The following ESRRB variants were observed in gnomAD, a reference collection of about 807,000 sequenced individuals.
ESRRB encodes the protein estrogen related receptor beta, also known as steroid hormone receptor ERR2.
In ESRRB, 16 loss-of-function variants were observed where a neutral mutation model predicts 46.0. That is an observed-to-expected ratio of 0.35 (90% CI 0.24 to 0.53). ESRRB has a LOEUF of 0.53. ESRRB is among the 20% of genes least tolerant of loss of function. The pLI is 0.93. For missense variants in ESRRB, 488 were observed against 607.4 expected (o/e 0.80, Z 2.07); for synonymous variants, 246 against 259.6 (o/e 0.95, Z 0.50).
intron 1 of ESRRB, among the ~76,000 whole-genome samples, chr14:76,405,747 T>C (rs552149991): frequency 6.6e-6 from 1 of 151,280 alleles, no homozygotes; most frequent in Non-Finnish European, 1.5e-5. Context: ...AGCGAGACTC[T>C]GTCTCAAAAA....
upstream of ESRRB, among the ~76,000 whole-genome samples, chr14:76,372,979 A>G (rs577888020): frequency 1.9e-4 from 29 of 152,320 alleles, no homozygotes; most frequent in African/African-American, 7.0e-4. Context: ...AAATTTACAA[A>G]TTTCCTTTGT....
chr14:76,411,735 A>G lies in ESRRB; in HGVS notation c.51-27606A>G, dbSNP rs183554779. ...TTGGAGGGTGGAATAATACCATGGC[A>G]TGGTACCTGGTACATGGTAATCTCT... On this transcript the variant is annotated intron_variant, in intron 1 of 6. Coordinates refer to ENST00000644823, the MANE Select transcript of ESRRB (RefSeq NM_001379180.1). Among the ~76,000 whole-genome samples the G allele has an allele frequency of 8.3e-4, 126 of 152,302 alleles. 1 individual carries two copies. The highest frequency in any genetic ancestry group is 2.8e-3 in the African/African-American group (117 of 41,578).
At chr14:76,323,233 T>C (rs1883888733) in intron 1 of ESRRB, among the ~76,000 whole-genome samples, 1 of 152,146 alleles carries the variant, frequency 6.6e-6, no homozygotes, top group Admixed American at 6.5e-5. Context: ...TCACATTCTT[T>C]GGGGACATTT....
chr14:76,448,815 T>A (rs1337454471), intron 2 of ESRRB, among the ~76,000 whole-genome samples: 1 of 152,238 alleles, frequency 6.6e-6, no homozygotes, highest in African/African-American at 2.4e-5. Flanking sequence ...GGGATCTAGG[T>A]AAAATAGTCA....
intron 5 of ESRRB, among the ~76,000 whole-genome samples, chr14:76,485,233 ATTTTTTTTT>A (rs34504939): frequency 1.1e-5 from 1 of 91,858 alleles, no homozygotes; most frequent in Non-Finnish European, 2.1e-5. Context: ...CAAATGCCTG[ATTTTTTTTT>A]TTTTTTTTTT....
chr14:76,320,979 C>T (rs1329886776), intron 1 of ESRRB, among the ~76,000 whole-genome samples: 1 of 152,144 alleles, frequency 6.6e-6, no homozygotes, highest in Non-Finnish European at 1.5e-5. Flanking sequence ...AATAAAGAGG[C>T]CTCAGAGCAC....
rs1890627437 is a variant in ESRRB at position 76,500,632 on chromosome 14, A to G, written c.*2174A>G. 6.3e-7 allele frequency: 1 copy of G among 1,584,278 alleles called. No individual in the cohort carries two copies. ...ACCCTGCTCTGTCACTTCCTGCTCA[A>G]GCTGGAGGACCCAGGCGGCAGGGCA... On this transcript the variant is annotated 3_prime_UTR_variant, in exon 7 of 7. Coordinates refer to ENST00000644823, the MANE Select transcript of ESRRB (RefSeq NM_001379180.1).
chr14:76,468,425 A>C (rs1199048752), intron 3 of ESRRB, among the ~76,000 whole-genome samples: 2 of 90,804 alleles, frequency 2.2e-5, no homozygotes, highest in East Asian at 7.7e-4. Context: ...CCAAACACGC[A>C]CACACACACA....
At chr14:76,381,621 G>A (rs184419210) in intron 1 of ESRRB, among the ~76,000 whole-genome samples, 7 of 152,286 alleles carry the variant, frequency 4.6e-5, no homozygotes, top group East Asian at 3.9e-4. Context: ...CAGTTCTGTG[G>A]CTCTAAAGGG....
chr14:76,486,452 T>A (rs1440570444), intron 5 of ESRRB, among the ~76,000 whole-genome samples: 1 of 152,148 alleles, frequency 6.6e-6, no homozygotes, highest in African/African-American at 2.4e-5. Context: ...TGGCCCCAGA[T>A]CCTATAATTA....
chr14:76,468,905 A>G (rs952889156), intron 3 of ESRRB, among the ~76,000 whole-genome samples: 3 of 152,214 alleles, frequency 2.0e-5, no homozygotes, highest in Admixed American at 2.0e-4. Flanking sequence ...TTTTCATGAA[A>G]AAATAGAAAG....
intron 2 of ESRRB, among the ~76,000 whole-genome samples, chr14:76,461,636 G>A (rs1298669875): frequency 6.6e-6 from 1 of 152,138 alleles, no homozygotes; most frequent in African/African-American, 2.4e-5. Context: ...AGCCTCCCGA[G>A]TAGCTGGGAT....
rs921337514 is a variant in ESRRB at position 76,323,286 on chromosome 14, GTCTC to G, written c.2+12382_2+12385del. Reference sequence around the variant, plus strand: ...GCATTCTTAGAGTCCCCAGTTTTTGGTCTCTCTCTCTCTCTTTCTCTTTTTTTTT... The same window carrying G: ...GCATTCTTAGAGTCCCCAGTTTTTGGTCTCTCTCTCTTTCTCTTTTTTTTT... On this transcript the variant is annotated intron_variant, in intron 1 of 6. Coordinates refer to the ESRRB transcript ENST00000512784. 3.1e-4 allele frequency among the ~76,000 whole-genome samples: 47 copies of G among 149,556 alleles called. 1 individual carries two copies. The highest frequency in any genetic ancestry group is 1.0e-3 in the African/African-American group (42 of 40,784).
In ESRRB at chr14:76,482,815, G is replaced by A. The variant is rs778787494; in HGVS notation, c.850+56G>A. The A allele has an allele frequency of 1.6e-4, 252 of 1,597,458 alleles. No individual in the cohort carries two copies. The highest frequency in any genetic ancestry group is 2.1e-4 in the Middle Eastern group (1 of 4,844). On this transcript the variant is annotated intron_variant, in intron 5 of 6. Coordinates refer to ENST00000644823, the MANE Select transcript of ESRRB (RefSeq NM_001379180.1). This position sits in a 1 kb window ranked among gnomAD's most constrained non-coding sequence, Gnocchi z 4.3. ...CCAGGGACTCTCAGCCGGTATCTCCGCAGCCTACCCAATGGCTGTGCTTCT... is the reference window on the plus strand; with the variant it reads ...CCAGGGACTCTCAGCCGGTATCTCCACAGCCTACCCAATGGCTGTGCTTCT...
chr14:76,494,927 G>C lies in ESRRB; in HGVS notation c.1120+3211G>C, dbSNP rs189142535. Among the ~76,000 whole-genome samples the C allele has an allele frequency of 3.9e-5, 6 of 152,294 alleles. No homozygotes were observed. In the East Asian group the frequency reaches 1.2e-3, roughly 29 times the overall value. On this transcript the variant is annotated intron_variant, in intron 6 of 6. Coordinates refer to ENST00000644823, the MANE Select transcript of ESRRB (RefSeq NM_001379180.1). ...CTGTGTTGGGAGAGGAGAGTAAAGAGGTAGTGTCTCCTCCACTCTTACTTG... is the reference window on the plus strand; with the variant it reads ...CTGTGTTGGGAGAGGAGAGTAAAGACGTAGTGTCTCCTCCACTCTTACTTG...
At chr14:76,323,904 T>C (rs555145652) in intron 1 of ESRRB, among the ~76,000 whole-genome samples, 17 of 152,326 alleles carry the variant, frequency 1.1e-4, no homozygotes, top group Admixed American at 9.1e-4. Context: ...GTCTGCTGCA[T>C]AACTGGTGCT....
intron 1 of ESRRB, among the ~76,000 whole-genome samples, chr14:76,377,224 C>T (rs1357992354): frequency 6.6e-6 from 1 of 152,238 alleles, no homozygotes; most frequent in African/African-American, 2.4e-5. Context: ...AAGCGACTCT[C>T]AGAAACCGCG....
intron 2 of ESRRB, among the ~76,000 whole-genome samples, chr14:76,455,545 G>T (rs184222896): frequency 6.6e-6 from 1 of 152,194 alleles, no homozygotes; most frequent in Non-Finnish European, 1.5e-5. Flanking sequence ...TTTCTCATGG[G>T]TTGTATTCCC....
In ESRRB at chr14:76,380,351, C is replaced by T. The variant is rs559048338; in HGVS notation, c.50+3900C>T. On this transcript the variant is annotated intron_variant, in intron 1 of 6. Transcript: ENST00000644823. ...ATAGGATTCAGAAGGAGACAGAATT[C>T]GAAGACAGTAGACAAGCAAGAAACA... is the stretch of plus-strand genomic sequence containing the variant. Among the ~76,000 whole-genome samples the T allele has an allele frequency of 2.0e-5, 3 of 152,224 alleles. No individual in the cohort carries two copies. The South Asian group carries it at 6.2e-4, about 32-fold the overall frequency.
Sources: allele counts gnomAD v4.1 joint callset (sites outside exome capture counted in the v4.1 genomes callset), GRCh38; gene constraint gnomAD v4.1.1; non-coding constraint Gnocchi (gnomAD v3.1); transcripts MANE v1.5; gene names NCBI Gene and HGNC (gene_info 2026-07-23, HGNC 2026-07-21).